The following ANXA8 variants were observed in gnomAD, a reference collection of about 807,000 sequenced individuals.
ANXA8 encodes annexin A8, also known as VAC-beta.
Under a neutral mutation model 26.8 loss-of-function variants are expected in ANXA8, and 9 were observed. That is an observed-to-expected ratio of 0.34 (90% confidence interval 0.20 to 0.59). The LOEUF (loss-of-function observed/expected upper bound fraction) is 0.59, where lower values mean the gene tolerates loss of function less well. Ranked by LOEUF, ANXA8 falls within the 20% of genes least tolerant of loss-of-function variation. ANXA8 has a pLI of 0.84. For missense variants in ANXA8, 83 were observed against 238.5 expected (o/e 0.35, Z 4.29); for synonymous variants, 39 against 94.8 (o/e 0.41, Z 3.42).
the ANXA8 span, chr10:47,564,953 G>A: frequency 1.2e-5 from 16 of 1,378,598 alleles, no homozygotes; most frequent in Admixed American, 5.0e-5. Flanking sequence ...CATCGAGTTC[G>A]TCGATAAAGC....
chr10:47,954,789 T>G, the ANXA8 span, among the ~76,000 whole-genome samples: 1 of 151,250 alleles, frequency 6.6e-6, no homozygotes, highest in South Asian at 2.1e-4. Context: ...AAACAAATAT[T>G]TATAACAATT....
chr10:47,946,247 G>C, the ANXA8 span, among the ~76,000 whole-genome samples: 1 of 148,640 alleles, frequency 6.7e-6, no homozygotes, highest in African/African-American at 2.5e-5. Context: ...AGTAAAATCT[G>C]CTGTAATAAA....
the ANXA8 span, among the ~76,000 whole-genome samples, chr10:47,702,406 T>C: frequency 6.6e-6 from 1 of 150,870 alleles, no homozygotes; most frequent in Non-Finnish European, 1.5e-5. Context: ...AGTGGCGTGA[T>C]CTTGGCTCAC....
At chr10:47,952,474 T>G in the ANXA8 span, among the ~76,000 whole-genome samples, 1 of 149,864 alleles carries the variant, frequency 6.7e-6, no homozygotes, top group East Asian at 2.0e-4. Context: ...TGTGGCAATT[T>G]GGAAGATTAA....
the ANXA8 span, chr10:47,566,083 A>G: frequency 1.6e-5 from 8 of 493,724 alleles, no homozygotes; most frequent in Non-Finnish European, 2.6e-5. Context: ...TATTATATAT[A>G]ATGCAAAGAA....
the ANXA8 span, among the ~76,000 whole-genome samples, chr10:47,929,661 A>G: frequency 6.7e-6 from 1 of 149,462 alleles, no homozygotes; most frequent in Non-Finnish European, 1.5e-5. Flanking sequence ...CTTTTCAGAA[A>G]AGGGCAAGTC....
the ANXA8 span, among the ~76,000 whole-genome samples, chr10:47,736,935 G>A: frequency 6.6e-6 from 1 of 151,826 alleles, no homozygotes; most frequent in Non-Finnish European, 1.5e-5. Flanking sequence ...GACTACAGGT[G>A]TGAACCACTG....
chr10:47,665,611 G>A, the ANXA8 span, among the ~76,000 whole-genome samples: 1 of 149,596 alleles, frequency 6.7e-6, no homozygotes, highest in South Asian at 2.1e-4. Flanking sequence ...AAGATGAAGA[G>A]AACAAAGTAT....
the ANXA8 span, among the ~76,000 whole-genome samples, chr10:47,525,641 T>TGATGATGATGATGATG: frequency 8.9e-6 from 1 of 112,576 alleles, no homozygotes; most frequent in Non-Finnish European, 1.9e-5. Flanking sequence ...CATTGTAGAT[T>TGATGATGATGATGATG]ATTATTATTA....
chr10:47,631,047 C>T, the ANXA8 span, among the ~76,000 whole-genome samples: 3 of 150,118 alleles, frequency 2.0e-5, no homozygotes, highest in Non-Finnish European at 4.4e-5. Flanking sequence ...AGCTGCCTTA[C>T]TTAATGTAAC....
the ANXA8 span, among the ~76,000 whole-genome samples, chr10:47,701,557 G>A: frequency 2.0e-5 from 3 of 151,718 alleles, no homozygotes; most frequent in Non-Finnish European, 4.4e-5. Flanking sequence ...GAACTGATAT[G>A]GAGTGATTCC....
At chr10:47,966,927 G>A in the ANXA8 span, among the ~76,000 whole-genome samples, 14 of 146,154 alleles carry the variant, frequency 9.6e-5, no homozygotes, top group African/African-American at 3.5e-4. Context: ...TTCTTAAAAA[G>A]CATAACTTGC....
At chr10:47,666,421 G>C in the ANXA8 span, among the ~76,000 whole-genome samples, 1 of 151,258 alleles carries the variant, frequency 6.6e-6, no homozygotes, top group South Asian at 2.1e-4. Context: ...TCTCACTTAA[G>C]CTTTACAACA....
chr10:47,565,040 A>G, the ANXA8 span: 1 of 799,904 alleles, frequency 1.3e-6, no homozygotes, highest in Non-Finnish European at 2.3e-6. Context: ...CATCGCCTAC[A>G]TCATGAAGAC....
At chr10:47,682,118 G>A in the ANXA8 span, among the ~76,000 whole-genome samples, 6 of 147,868 alleles carry the variant, frequency 4.1e-5, no homozygotes, top group African/African-American at 1.5e-4. Context: ...AGTCTTGAGA[G>A]TCTCAAATGT....
chr10:47,645,808 TAAAAC>T, the ANXA8 span, among the ~76,000 whole-genome samples: 4 of 149,898 alleles, frequency 2.7e-5, no homozygotes, highest in Admixed American at 2.6e-4. Flanking sequence ...AGAGCCCAAA[TAAAAC>T]AAAAAGGCAG....
At chr10:47,506,008 G>A in the ANXA8 span, among the ~76,000 whole-genome samples, 2 of 142,398 alleles carry the variant, frequency 1.4e-5, no homozygotes, top group African/African-American at 5.1e-5. Context: ...AATACTTAAA[G>A]GCCTGTTAAA....
the ANXA8 span, among the ~76,000 whole-genome samples, chr10:47,669,849 A>G: frequency 2.0e-4 from 30 of 152,106 alleles, no homozygotes; most frequent in South Asian, 6.2e-4. Flanking sequence ...TTTGTTAAGC[A>G]TCTTTTTTGT....
chr10:47,743,297 C>CATATATAT, the ANXA8 span, among the ~76,000 whole-genome samples: 1 of 57,070 alleles, frequency 1.8e-5, no homozygotes, highest in Non-Finnish European at 3.8e-5. Context: ...TATATATACA[C>CATATATAT]ATATATATAT....
Sources: gnomAD v4.1 joint callset for allele counts (sites outside exome capture counted in the v4.1 genomes callset) on GRCh38, gnomAD v4.1.1 for gene constraint, MANE v1.5 for transcripts, NCBI Gene and HGNC (gene_info 2026-07-23, HGNC 2026-07-21) for gene names.